The following ITSN1 variants were observed in gnomAD, a reference collection of about 807,000 sequenced individuals.
ITSN1 encodes intersectin-1.
In ITSN1, 58 loss-of-function variants were observed where a neutral mutation model predicts 239.8. That is an observed-to-expected ratio of 0.24 (90% CI 0.20 to 0.30). The LOEUF is 0.30. ITSN1 is among the 10% of genes least tolerant of loss of function. ITSN1 has a pLI of 1.00. For synonymous variants in ITSN1, 780 were observed against 770.8 expected (o/e 1.01, Z -0.20); for missense variants, 1,558 against 2,103.3 (o/e 0.74, Z 5.07).
intron 26 of ITSN1, chr21:33,829,197 T>G (rs1318226603): frequency 5.5e-6 from 2 of 363,880 alleles, no homozygotes; most frequent in Non-Finnish European, 1.1e-5. Flanking sequence ...AGCTATTGAG[T>G]CCTTTAGTCA....
In ITSN1 at chr21:33,705,017, C is replaced by T. The variant is rs190906895; in HGVS notation, c.-32-13780C>T. ...TCCCAGCTACTTGGGAGGCTGAGGC[C>T]GGAGAATGGCGTGAACCTGGGAGGC... On this transcript the variant is annotated intron_variant, in intron 1 of 39. Transcript: ENST00000381318. Among the ~76,000 whole-genome samples the T allele has an allele frequency of 6.7e-3, 991 of 147,710 alleles. 12 individuals carry two copies. Among genetic ancestry groups the T allele is most frequent in the African/African-American group, 0.023 (923 of 40,132 alleles).
intron 26 of ITSN1, among the ~76,000 whole-genome samples, chr21:33,827,179 C>T (rs1352240479): frequency 6.6e-6 from 1 of 152,088 alleles, no homozygotes; most frequent in Non-Finnish European, 1.5e-5. Flanking sequence ...GCAGGTGGAT[C>T]ATTTGAGGTC....
At chr21:33,764,451 G>A (rs1349806809) in intron 9 of ITSN1, among the ~76,000 whole-genome samples, 1 of 151,948 alleles carries the variant, frequency 6.6e-6, no homozygotes. Flanking sequence ...TTTTAAAACT[G>A]GGTATCTTGC....
At chr21:33,767,194 A>G (rs2068785582) in intron 10 of ITSN1, among the ~76,000 whole-genome samples, 1 of 149,638 alleles carries the variant, frequency 6.7e-6, no homozygotes, top group Admixed American at 6.6e-5. Flanking sequence ...ATAAAATGAC[A>G]TAAATAAATA....
At chr21:33,671,910 T>C (rs754498829) in intron 1 of ITSN1, among the ~76,000 whole-genome samples, 7 of 152,248 alleles carry the variant, frequency 4.6e-5, no homozygotes, top group Non-Finnish European at 1.0e-4. Context: ...TTGTAGTTTT[T>C]TTCCATTCAA....
intron 16 of ITSN1, among the ~76,000 whole-genome samples, chr21:33,788,317 T>A (rs1411830464): frequency 1.3e-5 from 2 of 152,216 alleles, no homozygotes; most frequent in Non-Finnish European, 2.9e-5. Flanking sequence ...CCTTAGCACT[T>A]GTGACACATT....
chr21:33,792,215 AT>A (rs1465264943), intron 16 of ITSN1, among the ~76,000 whole-genome samples: 1 of 151,570 alleles, frequency 6.6e-6, no homozygotes, highest in Non-Finnish European at 1.5e-5. Flanking sequence ...TTTATTTTTT[AT>A]TTTTTTGAGA....
intron 1 of ITSN1, among the ~76,000 whole-genome samples, chr21:33,706,479 C>CAAA (rs370383959): frequency 7.5e-6 from 1 of 133,636 alleles, no homozygotes; most frequent in Admixed American, 7.5e-5. Context: ...CATTTATTAC[C>CAAA]AAAAAAAAAA....
At chr21:33,773,088 C>T (rs944025592) in intron 12 of ITSN1, among the ~76,000 whole-genome samples, 2 of 150,908 alleles carry the variant, frequency 1.3e-5, no homozygotes, top group Non-Finnish European at 2.9e-5. Context: ...CTCACTGCAA[C>T]CTCTGCCTCC....
chr21:33,848,233 A>G (rs984527970), intron 29 of ITSN1, among the ~76,000 whole-genome samples: 5 of 152,236 alleles, frequency 3.3e-5, no homozygotes, highest in Non-Finnish European at 4.4e-5. Context: ...TGAAGTGAAC[A>G]CGAGGCTGTT....
At chr21:33,679,318 A>G (rs1178848769) in intron 1 of ITSN1, among the ~76,000 whole-genome samples, 6 of 152,128 alleles carry the variant, frequency 3.9e-5, no homozygotes, top group Non-Finnish European at 8.8e-5. Flanking sequence ...CTGTGCTTCC[A>G]TTGCAACTCT....
intron 1 of ITSN1, among the ~76,000 whole-genome samples, chr21:33,684,823 T>C (rs1364347613): frequency 6.6e-6 from 1 of 152,200 alleles, no homozygotes; most frequent in East Asian, 1.9e-4. Flanking sequence ...ATTGTAATTG[T>C]TTTATAACTT....
chr21:33,834,495 A>C, intron 28 of ITSN1, 71 bp downstream of exon 28: 43 of 1,058,906 alleles, frequency 4.1e-5, no homozygotes, highest in Non-Finnish European at 5.6e-5. Context: ...TGATTTTCTC[A>C]TTAAATATCT....
chr21:33,872,891 T>A (rs1376275775), intron 33 of ITSN1, among the ~76,000 whole-genome samples: 1 of 152,252 alleles, frequency 6.6e-6, no homozygotes, highest in East Asian at 1.9e-4. Context: ...TGTACAATAT[T>A]ACTTTTGTCA....
intron 2 of ITSN1, among the ~76,000 whole-genome samples, chr21:33,719,808 T>G (rs2065377459): frequency 6.6e-6 from 1 of 152,254 alleles, no homozygotes; most frequent in South Asian, 2.1e-4. Flanking sequence ...ATGTGTTTTT[T>G]GGGTAATTTT....
chr21:33,728,725 C>A (rs1372641252), intron 4 of ITSN1, among the ~76,000 whole-genome samples: 1 of 152,196 alleles, frequency 6.6e-6, no homozygotes, highest in Non-Finnish European at 1.5e-5. Flanking sequence ...CTGCCCACCT[C>A]TTTCCCTTTA....
chr21:33,817,199 A>C (rs1368859414), intron 22 of ITSN1: 1 of 1,278,758 alleles, frequency 7.8e-7, no homozygotes, highest in South Asian at 1.3e-5. Context: ...TATAGCTTAA[A>C]AGATAATAAA....
At chr21:33,810,685 A>G (rs1445140794) in intron 20 of ITSN1, among the ~76,000 whole-genome samples, 1 of 152,216 alleles carries the variant, frequency 6.6e-6, no homozygotes, top group Non-Finnish European at 1.5e-5. Flanking sequence ...AAATATTTAA[A>G]TTACATGCCT....
At chr21:33,649,782 C>G (rs967697710) in intron 1 of ITSN1, among the ~76,000 whole-genome samples, 1 of 151,466 alleles carries the variant, frequency 6.6e-6, no homozygotes, top group Non-Finnish European at 1.5e-5. Flanking sequence ...TTTGAGAGGC[C>G]GAGGTGTGCG....
Sources: gnomAD v4.1 joint callset for allele counts (sites outside exome capture counted in the v4.1 genomes callset) on GRCh38, gnomAD v4.1.1 for gene constraint, MANE v1.5 for transcripts, NCBI Gene and HGNC (gene_info 2026-07-23, HGNC 2026-07-21) for gene names.